SBNO2: variants seen among roughly 807,000 people sequenced by gnomAD.
SBNO2 encodes protein strawberry notch homolog 2.
Under a neutral mutation model 146.3 loss-of-function variants are expected in SBNO2, and 89 were observed. The ratio of observed to expected loss-of-function variants is 0.61; its 90% CI spans 0.51 to 0.73. The LOEUF is 0.73. Among genes scored for constraint, SBNO2 ranks in the 30% least tolerant of loss-of-function variants. The pLI, the probability that SBNO2 is intolerant of heterozygous loss-of-function variation, is 0.00. For synonymous variants in SBNO2, 1,147 were observed against 892.6 expected (o/e 1.29, Z -5.08); for missense variants, 2,092 against 2,003.7 (o/e 1.04, Z -0.84).
intron 4 of SBNO2, among the ~76,000 whole-genome samples, chr19:1,145,483 A>G (rs2080181289): frequency 6.6e-6 from 1 of 151,554 alleles, no homozygotes; most frequent in South Asian, 2.1e-4. Flanking sequence ...CAAAAAAAAA[A>G]AAAAAGAAAG....
At chr19:1,125,358 C>CA (rs35572800) in intron 5 of SBNO2, among the ~76,000 whole-genome samples, 2,323 of 52,868 alleles carry the variant, frequency 0.044, 166 homozygotes, top group African/African-American at 0.15. Flanking sequence ...GACTCCATCT[C>CA]AAAAAAAAAA....
chr19:1,138,226 G>C (rs1371970375), intron 4 of SBNO2, among the ~76,000 whole-genome samples: 2 of 143,542 alleles, frequency 1.4e-5, no homozygotes, highest in African/African-American at 5.2e-5. Flanking sequence ...GTGGGGAGGA[G>C]ACCAGAAGAG....
At chr19:1,133,572 C>G (rs1053378181) in intron 4 of SBNO2, among the ~76,000 whole-genome samples, 1 of 152,366 alleles carries the variant, frequency 6.6e-6, no homozygotes, top group South Asian at 2.1e-4. Context: ...TGCCACGACC[C>G]ATCACCTCCT....
intron 1 of SBNO2, among the ~76,000 whole-genome samples, chr19:1,167,454 G>A (rs1260709489): frequency 2.0e-5 from 3 of 152,210 alleles, no homozygotes; most frequent in Non-Finnish European, 4.4e-5. Flanking sequence ...CTCGGCCGGG[G>A]GCGGGATTCT....
chr19:1,159,579 A>G (rs1239300044), intron 1 of SBNO2, among the ~76,000 whole-genome samples: 1 of 47,606 alleles, frequency 2.1e-5, no homozygotes, highest in Non-Finnish European at 3.9e-5. Context: ...GCGGGGGAAG[A>G]GCAGGGGACA....
chr19:1,155,697 C>T (rs1483322257), intron 1 of SBNO2, among the ~76,000 whole-genome samples: 1 of 152,324 alleles, frequency 6.6e-6, no homozygotes, highest in African/African-American at 2.4e-5. Flanking sequence ...CTCTGGGAGA[C>T]AGGTTCTCTG....
intron 4 of SBNO2, among the ~76,000 whole-genome samples, chr19:1,131,333 G>C (rs536747283): frequency 4.6e-5 from 7 of 152,314 alleles, no homozygotes; most frequent in South Asian, 2.1e-4. Context: ...CCAGCCCCCA[G>C]TTCTGGGGCC....
Position 1,119,117 on chromosome 19 carries a change from C to A in SBNO2, c.1421G>T (p.Gly474Val), listed in dbSNP as rs1235027358. The change falls in exon 14 of 32, where the codon GGC (glycine) becomes GTC (valine). Residue 474 changes from glycine (G) to valine (V), a missense_variant. Coordinates refer to ENST00000361757, the MANE Select transcript of SBNO2 (RefSeq NM_014963.3). The stretch of plus-strand genomic sequence containing the variant: ...GCTGAGCTGGCGTGCGATGTACATG[C>A]CGCTGACCTTCATGTCCATGGCCAC... ...EIVAMDMKVS[G>V]MYIARQLSFS... The A allele has an allele frequency of 6.2e-7, 1 of 1,604,170 alleles. No individual in the cohort carries two copies. Among genetic ancestry groups the A allele is most frequent in the Non-Finnish European group, 8.5e-7 (1 of 1,176,656 alleles).
At position 1,107,991 on chromosome 19, in the gene SBNO2, GGGA is replaced by G; in HGVS notation, c.*226_*228del. 2.9e-6 allele frequency: 1 copy of G among 342,008 alleles called. No homozygotes were observed. 21.2% of individuals were successfully genotyped at this position (342,008 alleles called of 1,614,324 possible). ...AGCCACCCGGAGCCCCTTCCTACTT[GGGA>G]GGAGAGGCACAGAGAGGGCCCTGCC... is the stretch of plus-strand genomic sequence containing the variant. On this transcript the variant is annotated 3_prime_UTR_variant, in exon 32 of 32. Coordinates refer to ENST00000361757, the MANE Select transcript of SBNO2 (RefSeq NM_014963.3).
rs200480713 is a variant in SBNO2, at chr19:1,120,060, C to T, written c.1150-37G>A. ...GTGGGTTAAGGAGTATTCTGAAGGA[C>T]GGGGGCGACCCCAGGAGCCCAGGTC... On this transcript the variant is annotated intron_variant, in intron 11 of 31. Transcript: ENST00000361757. The T allele has an allele frequency of 2.6e-5, 40 of 1,515,844 alleles. No homozygotes were observed. In the Middle Eastern group the frequency reaches 1.2e-3, roughly 45 times the overall value. 93.9% of individuals were successfully genotyped at this position (1,515,844 alleles called of 1,614,324 possible). A position where few individuals can be genotyped will look rare whatever the true frequency, so the allele number is the denominator to read the frequency against.
rs144277306 is a variant in SBNO2, at chr19:1,126,354, G to A, written c.441+1250C>T. Among the ~76,000 whole-genome samples the A allele has an allele frequency of 2.3e-4, 35 of 152,266 alleles. No homozygotes were observed. The highest frequency in any genetic ancestry group is 3.4e-3 in the Middle Eastern group (1 of 294). On this transcript the variant is annotated intron_variant, in intron 5 of 31. Coordinates refer to ENST00000361757, the MANE Select transcript of SBNO2 (RefSeq NM_014963.3). This position sits in a 1 kb window ranked among gnomAD's most constrained non-coding sequence, Gnocchi z 4.4. ...TGAGTCACCATTCCCGGTGGGGCTG[G>A]CGGGCATTGGGTTTCAGATGCCCTC...
intron 4 of SBNO2, among the ~76,000 whole-genome samples, chr19:1,128,689 G>T (rs118151652): frequency 0.011 from 1,664 of 150,728 alleles, 22 homozygotes; most frequent in Non-Finnish European, 0.018. Flanking sequence ...CACCGTGTCC[G>T]GCCACATGTG....
At chr19:1,135,403 A>C (rs531247721) in intron 4 of SBNO2, among the ~76,000 whole-genome samples, 1 of 152,350 alleles carries the variant, frequency 6.6e-6, no homozygotes, top group Non-Finnish European at 1.5e-5. Flanking sequence ...ATTTTGTCTC[A>C]GTTTTTAAAA....
At chr19:1,111,418 C>A in intron 24 of SBNO2, 88 bp downstream of exon 24, 1 of 942,586 alleles carries the variant, frequency 1.1e-6, no homozygotes, top group Non-Finnish European at 1.7e-6. Context: ...CACAACCGGC[C>A]TACAAAGCCT....
intron 1 of SBNO2, among the ~76,000 whole-genome samples, chr19:1,171,215 GCA>G (rs568817663): frequency 1.3e-5 from 2 of 151,822 alleles, no homozygotes; most frequent in Non-Finnish European, 2.9e-5. Flanking sequence ...CCACAGGCAC[GCA>G]CATTCACACA....
Position 1,109,843 on chromosome 19 carries a change from T to A in SBNO2, c.3029-66A>T. The A allele has an allele frequency of 7.9e-7, 1 of 1,266,594 alleles. No individual in the cohort carries two copies. Among genetic ancestry groups the A allele is most frequent in the Non-Finnish European group, 1.1e-6 (1 of 905,732 alleles). 78.5% of individuals were successfully genotyped at this position (1,266,594 alleles called of 1,614,324 possible). On this transcript the variant is annotated intron_variant, in intron 26 of 31. Transcript: ENST00000361757. This position sits in a 1 kb window ranked among gnomAD's most constrained non-coding sequence, Gnocchi z 4.2. ...GACTGTGGGCTGGGGCCAGGGTCAG[T>A]CCCGTAGCCGGGGCGCACCCTAGAG...
Position 1,110,803 on chromosome 19 carries a change from G to A in SBNO2, c.2970C>T (p.Thr990=), listed in dbSNP as rs779860578. 2 of 1,613,686 alleles carry A rather than the reference G, an allele frequency of 1.2e-6. No individual in the cohort carries two copies. Among genetic ancestry groups the A allele is most frequent in the South Asian group, 2.2e-5 (2 of 91,078 alleles). The change falls in exon 26 of 32, where the codon ACC becomes ACT. Residue 990 remains threonine (T), a synonymous_variant. Coordinates refer to ENST00000361757, the MANE Select transcript of SBNO2 (RefSeq NM_014963.3). This position sits in a 1 kb window ranked among gnomAD's most constrained non-coding sequence, Gnocchi z 4.9. ...TGTCCATCTCGATGAGGTGGTCGAAGGTGTCTGAGAAGTACTGGAACAGGG... is the reference window on the plus strand; with the variant it reads ...TGTCCATCTCGATGAGGTGGTCGAAAGTGTCTGAGAAGTACTGGAACAGGG... ...QNALFQYFSD[T]FDHLIEMDKR... is the part of the protein sequence containing the mutation.
chr19:1,114,162 G>A (rs1422915793), intron 18 of SBNO2, 69 bp downstream of exon 18: 13 of 1,328,402 alleles, frequency 9.8e-6, no homozygotes, highest in Non-Finnish European at 1.3e-5. Context: ...TCCTGACCCA[G>A]AGGTGGCTGC....
chr19:1,163,765 G>C (rs1008681846), intron 1 of SBNO2, among the ~76,000 whole-genome samples: 2 of 152,232 alleles, frequency 1.3e-5, no homozygotes, highest in African/African-American at 4.8e-5. Context: ...AAGCATGCTG[G>C]GGGACGGCCC....
Sources: allele counts gnomAD v4.1 joint callset (sites outside exome capture counted in the v4.1 genomes callset), GRCh38; gene constraint gnomAD v4.1.1; non-coding constraint Gnocchi (gnomAD v3.1); transcripts MANE v1.5; gene names NCBI Gene and HGNC (gene_info 2026-07-23, HGNC 2026-07-21).